Variants in ANKS1B observed in about 807,000 individuals in gnomAD.
ANKS1B encodes ankyrin repeat and sterile alpha motif domain containing 1B, also known as ankyrin repeat and sterile alpha motif domain-containing protein 1B.
A neutral mutation model predicts 148.3 loss-of-function variants in ANKS1B; 36 were observed. The observed-to-expected ratio is 0.24, with a 90% CI of 0.19 to 0.32. The LOEUF (loss-of-function observed/expected upper bound fraction) is 0.32, where lower values mean the gene tolerates loss of function less well. Among genes scored for constraint, ANKS1B ranks in the 10% least tolerant of loss-of-function variants. The pLI, the probability that ANKS1B is intolerant of heterozygous loss-of-function variation, is 1.00. For synonymous variants in ANKS1B, 542 were observed against 560.8 expected (o/e 0.97, Z 0.47); for missense variants, 1,157 against 1,542.6 (o/e 0.75, Z 4.19).
intron 25 of ANKS1B, among the ~76,000 whole-genome samples, chr12:98,768,510 G>A (rs533564305): frequency 9.9e-5 from 15 of 151,054 alleles, no homozygotes; most frequent in African/African-American, 3.6e-4. Flanking sequence ...CGAGGCGGGC[G>A]GATCACAAGG....
chr12:99,074,870 T>C (rs2047348835), intron 16 of ANKS1B, among the ~76,000 whole-genome samples: 2 of 152,298 alleles, frequency 1.3e-5, no homozygotes, highest in Middle Eastern at 3.4e-3. Context: ...ATCTGTGTGC[T>C]CCATACCTAG....
At chr12:99,168,307 A>G (rs1350489075) in intron 14 of ANKS1B, among the ~76,000 whole-genome samples, 1 of 152,194 alleles carries the variant, frequency 6.6e-6, no homozygotes, top group Non-Finnish European at 1.5e-5. Context: ...GCCTGAGGTC[A>G]AGAGTATGAG....
At chr12:99,713,400 G>A (rs1044165560) in intron 8 of ANKS1B, among the ~76,000 whole-genome samples, 1 of 152,124 alleles carries the variant, frequency 6.6e-6, no homozygotes. Flanking sequence ...TCAAGTCCTA[G>A]TTCCTTTTTG....
chr12:99,142,796 T>G (rs2153801087), intron 15 of ANKS1B, among the ~76,000 whole-genome samples: 1 of 152,252 alleles, frequency 6.6e-6, no homozygotes, highest in Admixed American at 6.5e-5. Context: ...TATTCAGCAG[T>G]TCTTAAATGA....
chr12:99,377,568 G>A (rs965580340), intron 12 of ANKS1B, among the ~76,000 whole-genome samples: 10 of 152,274 alleles, frequency 6.6e-5, no homozygotes, highest in African/African-American at 2.2e-4. Flanking sequence ...AAAGCATTCA[G>A]TCATAATAAA....
At chr12:99,898,632 T>C (rs2093474014) in intron 1 of ANKS1B, among the ~76,000 whole-genome samples, 1 of 152,150 alleles carries the variant, frequency 6.6e-6, no homozygotes, top group African/African-American at 2.4e-5. Flanking sequence ...CTATCTGTTT[T>C]CTGTAATTTG....
chr12:99,192,233 T>C (rs1010867912), intron 14 of ANKS1B, among the ~76,000 whole-genome samples: 4 of 151,814 alleles, frequency 2.6e-5, no homozygotes, highest in Non-Finnish European at 2.9e-5. Flanking sequence ...TTGGCTTTGA[T>C]ACAAATTTTA....
At chr12:99,302,389 A>C (rs1219364546) in intron 12 of ANKS1B, among the ~76,000 whole-genome samples, 1 of 152,134 alleles carries the variant, frequency 6.6e-6, no homozygotes, top group Non-Finnish European at 1.5e-5. Flanking sequence ...CCTTAAAACA[A>C]AACAACAGTA....
chr12:99,492,729 G>A (rs887517621), intron 10 of ANKS1B, among the ~76,000 whole-genome samples: 4 of 152,172 alleles, frequency 2.6e-5, no homozygotes, highest in African/African-American at 9.7e-5. Context: ...TCCCTGGGAT[G>A]CAAGGTAGGT....
chr12:99,693,243 G>A (rs2153506706), intron 8 of ANKS1B, among the ~76,000 whole-genome samples: 1 of 152,292 alleles, frequency 6.6e-6, no homozygotes, highest in South Asian at 2.1e-4. Context: ...AATACATTAG[G>A]TCAGAGAAGT....
At chr12:98,889,356 T>G (rs10860378) in intron 17 of ANKS1B, among the ~76,000 whole-genome samples, 2 of 144,050 alleles carry the variant, frequency 1.4e-5, no homozygotes, top group Non-Finnish European at 3.1e-5. Context: ...TTTTATTTTT[T>G]TTTTTTTTGA....
intron 25 of ANKS1B, among the ~76,000 whole-genome samples, chr12:98,756,335 G>A (rs2098241702): frequency 6.6e-6 from 1 of 152,078 alleles, no homozygotes; most frequent in Non-Finnish European, 1.5e-5. Flanking sequence ...CACATAAGAT[G>A]TGCCTTTGCT....
At chr12:99,554,829 T>A (rs1454251902) in intron 9 of ANKS1B, among the ~76,000 whole-genome samples, 1 of 152,164 alleles carries the variant, frequency 6.6e-6, no homozygotes, top group African/African-American at 2.4e-5. Flanking sequence ...TTGGTAGTTT[T>A]TCAGTTCTCC....
At chr12:99,001,186 G>A (rs957159479) in intron 17 of ANKS1B, among the ~76,000 whole-genome samples, 2 of 152,134 alleles carry the variant, frequency 1.3e-5, no homozygotes, top group African/African-American at 2.4e-5. Context: ...CCGGGCTGGA[G>A]TGGTGGCGCC....
intron 9 of ANKS1B, among the ~76,000 whole-genome samples, chr12:99,537,843 C>T (rs552125346): frequency 3.0e-4 from 46 of 152,198 alleles, no homozygotes; most frequent in African/African-American, 9.6e-4. Flanking sequence ...AGACCAATGT[C>T]CTGGAGAATT....
In ANKS1B at chr12:99,785,870, G is replaced by C. The variant is rs7295504; in HGVS notation, c.670-3773C>G. On this transcript the variant is annotated intron_variant, in intron 4 of 26. Transcript: ENST00000683438. ...AAGATGGAATGACTGAAATGCCCTT[G>C]AATTATAATCTGACTGGCATGATAT... is the stretch of plus-strand genomic sequence containing the variant. Among the ~76,000 whole-genome samples, 1,332 of 152,154 alleles carry C rather than the reference G, an allele frequency of 8.8e-3. 14 individuals carry two copies. The highest frequency in any genetic ancestry group is 0.03 in the African/African-American group (1,241 of 41,498).
At chr12:99,541,616 T>G (rs1008581339) in intron 9 of ANKS1B, among the ~76,000 whole-genome samples, 6 of 152,048 alleles carry the variant, frequency 3.9e-5, no homozygotes, top group African/African-American at 1.4e-4. Context: ...ATCCCAGCAC[T>G]TTGGGAGGTG....
intron 17 of ANKS1B, among the ~76,000 whole-genome samples, chr12:98,906,859 A>G (rs1375243982): frequency 2.0e-5 from 3 of 152,046 alleles, no homozygotes; most frequent in African/African-American, 7.2e-5. Flanking sequence ...ATTTTTTTCC[A>G]GTTTCATTGA....
At chr12:99,578,088 T>C (rs537185779) in intron 9 of ANKS1B, among the ~76,000 whole-genome samples, 35 of 152,188 alleles carry the variant, frequency 2.3e-4, no homozygotes, top group African/African-American at 7.5e-4. Context: ...ATAAATGTGA[T>C]TCACCACAAA....
Sources: allele counts gnomAD v4.1 joint callset (sites outside exome capture counted in the v4.1 genomes callset), GRCh38; gene constraint gnomAD v4.1.1; transcripts MANE v1.5; gene names NCBI Gene and HGNC (gene_info 2026-07-23, HGNC 2026-07-21).